Variants in CCDC7 observed in about 807,000 individuals in gnomAD.
CCDC7 encodes coiled-coil domain-containing protein 7.
Under a neutral mutation model 196.9 loss-of-function variants are expected in CCDC7, and 183 were observed. That is an observed-to-expected ratio of 0.93 (90% CI 0.82 to 1.05). The LOEUF (loss-of-function observed/expected upper bound fraction) is 1.05. CCDC7 is among the 50% of genes least tolerant of loss of function. The probability of loss-of-function intolerance (pLI) is 0.00; values close to 1 mark genes in which losing one functional copy is unlikely to be tolerated. For missense variants in CCDC7, 1,540 were observed against 1,482.2 expected, an observed-to-expected ratio of 1.04 and a Z score of -0.64; for synonymous variants, 525 against 484.6, an observed-to-expected ratio of 1.08 and a Z score of -1.10.
At chr10:32,824,338 A>C (rs1312174950) in intron 31 of CCDC7, among the ~76,000 whole-genome samples, 180 bp from the exon 33 acceptor site, 1 of 152,166 alleles carries the variant, frequency 6.6e-6, no homozygotes, top group East Asian at 1.9e-4. Context: ...TGAGGCTTAT[A>C]TGATTGTTAA....
At chr10:32,711,360 A>G (rs1031027568) in intron 24 of CCDC7, among the ~76,000 whole-genome samples, 6 of 152,130 alleles carry the variant, frequency 3.9e-5, no homozygotes, top group South Asian at 2.1e-4. Context: ...ATTAACCTAA[A>G]GTATAAATAA....
At chr10:32,729,502 C>A in intron 28 of CCDC7, 45 bp downstream of exon 29, 3 of 979,648 alleles carry the variant, frequency 3.1e-6, no homozygotes, top group Non-Finnish European at 4.4e-6. Flanking sequence ...TTATTAAATT[C>A]AGGAGAAATT....
chr10:32,608,143 A>G (rs558898335), intron 18 of CCDC7, among the ~76,000 whole-genome samples: 2 of 151,994 alleles, frequency 1.3e-5, no homozygotes, highest in Admixed American at 6.5e-5. Context: ...TTCTCTGGTA[A>G]CTATTGTAAT....
chr10:32,655,018 A>G (rs2069520528), intron 20 of CCDC7, among the ~76,000 whole-genome samples: 1 of 152,208 alleles, frequency 6.6e-6, no homozygotes, highest in Non-Finnish European at 1.5e-5. Flanking sequence ...TATTCTGGAC[A>G]AGGAAAGCTC....
At chr10:32,699,684 T>A (rs1257322796) in intron 24 of CCDC7, among the ~76,000 whole-genome samples, 1 of 149,434 alleles carries the variant, frequency 6.7e-6, no homozygotes, top group Non-Finnish European at 1.5e-5. Context: ...TGTAAAAGCT[T>A]TCCTATTTCT....
intron 18 of CCDC7, among the ~76,000 whole-genome samples, chr10:32,600,301 G>GTT (rs35364422): frequency 3.2e-3 from 462 of 146,220 alleles, no homozygotes; most frequent in Middle Eastern, 0.017. Context: ...TATATTTCTA[G>GTT]TTTTTTTTTT....
At chr10:32,611,582 T>C (rs2062140194) in intron 18 of CCDC7, among the ~76,000 whole-genome samples, 2 of 152,224 alleles carry the variant, frequency 1.3e-5, no homozygotes, top group East Asian at 1.9e-4. Context: ...TAATCCATCT[T>C]GAGTTAATTT....
At chr10:32,559,484 G>A (rs2055017734) in intron 13 of CCDC7, among the ~76,000 whole-genome samples, 1 of 152,228 alleles carries the variant, frequency 6.6e-6, no homozygotes. Context: ...AACTTGCAGA[G>A]GAACGATCAG....
chr10:32,647,923 A>G (rs1457220716), intron 20 of CCDC7, among the ~76,000 whole-genome samples: 2 of 152,256 alleles, frequency 1.3e-5, no homozygotes, highest in Non-Finnish European at 2.9e-5. Context: ...CAAGAAAAAT[A>G]TTTCCTAGGT....
rs1017444431 is a variant in CCDC7, at chr10:32,567,598, T to C, written c.1198-72T>C. On this transcript the variant is annotated intron_variant, in intron 14 of 41. Coordinates refer to ENST00000639629, the Ensembl canonical transcript of CCDC7. ...TCATGTAGGCGTAAATATATGTAGA[T>C]TCCTGAATGTGGTAGTATTGGCAGG... 6.1e-6 allele frequency: 9 copies of C among 1,473,716 alleles called. No individual in the cohort carries two copies. In the Admixed American group the frequency reaches 9.6e-5, roughly 16 times the overall value. 91.3% of individuals were successfully genotyped at this position (1,473,716 alleles called of 1,614,324 possible). A position where few individuals can be genotyped will look rare whatever the true frequency, so the allele number is the denominator to read the frequency against.
intron 18 of CCDC7, among the ~76,000 whole-genome samples, chr10:32,625,010 T>TTA (rs1491211853): frequency 2.5e-5 from 3 of 117,702 alleles, no homozygotes; most frequent in East Asian, 4.9e-4. Flanking sequence ...TTTTTTTTTT[T>TTA]AGTTCTTCAC....
chr10:32,606,026 G>A (rs191000262), intron 18 of CCDC7, among the ~76,000 whole-genome samples: 49 of 152,300 alleles, frequency 3.2e-4, no homozygotes, highest in Non-Finnish European at 5.3e-4. Flanking sequence ...AAGCTTAAGA[G>A]GAAAGAATGC....
At chr10:32,693,398 A>G (rs1480677154) in intron 23 of CCDC7, among the ~76,000 whole-genome samples, 3 of 150,846 alleles carry the variant, frequency 2.0e-5, no homozygotes, top group African/African-American at 4.9e-5. Flanking sequence ...TTCCTTCTCT[A>G]TTTTTTTTCT....
chr10:32,458,903 T>TG (rs2034974786), intron 3 of CCDC7, among the ~76,000 whole-genome samples: 1 of 152,246 alleles, frequency 6.6e-6, no homozygotes, highest in South Asian at 2.1e-4. Flanking sequence ...TTAATATTAA[T>TG]TCTTCTAATC....
Position 32,495,470 on chromosome 10 carries a change from C to G in CCDC7, c.872+3473C>G, listed in dbSNP as rs1490893709. On this transcript the variant is annotated intron_variant, in intron 9 of 41. Coordinates refer to ENST00000639629, the Ensembl canonical transcript of CCDC7. Reference sequence around the variant, plus strand: ...TTAGTCATGAAGTCTTTACCCATGCCTATGTCCTGAATGGCATTGCCTAGG... The same window carrying G: ...TTAGTCATGAAGTCTTTACCCATGCGTATGTCCTGAATGGCATTGCCTAGG... 2.0e-5 allele frequency among the ~76,000 whole-genome samples: 3 copies of G among 152,156 alleles called. No homozygotes were observed. The East Asian group carries it at 5.8e-4, about 29-fold the overall frequency.
chr10:32,617,076 T>G (rs1406420630), intron 18 of CCDC7, among the ~76,000 whole-genome samples: 7 of 151,822 alleles, frequency 4.6e-5, no homozygotes, highest in Admixed American at 3.3e-4. Flanking sequence ...AGTTTGTGAG[T>G]GTAGAGTTGT....
At chr10:32,765,282 T>C (rs893949810) in intron 28 of CCDC7, among the ~76,000 whole-genome samples, 5 of 151,878 alleles carry the variant, frequency 3.3e-5, no homozygotes, top group African/African-American at 7.3e-5. Context: ...TTTTTAGGGA[T>C]TAATGGACAG....
At chr10:32,796,791 A>T (rs2083630821) in intron 29 of CCDC7, among the ~76,000 whole-genome samples, 1 of 152,212 alleles carries the variant, frequency 6.6e-6, no homozygotes, top group South Asian at 2.1e-4. Context: ...GCATAATTGA[A>T]GAATTAATTT....
At chr10:32,682,656 C>G (rs867963318) in intron 21 of CCDC7, among the ~76,000 whole-genome samples, 5 of 152,156 alleles carry the variant, frequency 3.3e-5, no homozygotes, top group Middle Eastern at 6.3e-3. Context: ...TCACCAGCAT[C>G]TCTTATTTCT....
Sources: gnomAD v4.1 joint callset for allele counts (sites outside exome capture counted in the v4.1 genomes callset) on GRCh38, gnomAD v4.1.1 for gene constraint, MANE v1.5 for transcripts, NCBI Gene and HGNC (gene_info 2026-07-23, HGNC 2026-07-21) for gene names.